STX8: variants seen among roughly 807,000 people sequenced by gnomAD.
The protein encoded by STX8 is syntaxin 8.
A neutral mutation model predicts 37.5 loss-of-function variants in STX8; 23 were observed. That is an observed-to-expected ratio of 0.61 (90% CI 0.44 to 0.87). The LOEUF is 0.87. Ranked by LOEUF, STX8 falls within the 40% of genes least tolerant of loss-of-function variation. The pLI, the probability that STX8 is intolerant of heterozygous loss-of-function variation, is 0.00. For synonymous variants in STX8, 115 were observed against 99.1 expected, an observed-to-expected ratio of 1.16 and a Z score of -0.95; for missense variants, 313 against 284.7, an observed-to-expected ratio of 1.10 and a Z score of -0.71.
intron 5 of STX8, among the ~76,000 whole-genome samples, chr17:9,493,642 G>A (rs1192955230): frequency 6.6e-6 from 1 of 152,162 alleles, no homozygotes; most frequent in Non-Finnish European, 1.5e-5. Context: ...TAGCCCTAGG[G>A]GCGTGGGCTC....
At chr17:9,298,581 G>T (rs1908650329) in intron 7 of STX8, among the ~76,000 whole-genome samples, 1 of 152,188 alleles carries the variant, frequency 6.6e-6, no homozygotes. Flanking sequence ...GGAGGCCAAG[G>T]TGGGTAGATC....
chr17:9,261,261 G>A (rs1305481975), intron 7 of STX8, among the ~76,000 whole-genome samples: 3 of 152,208 alleles, frequency 2.0e-5, no homozygotes, highest in African/African-American at 7.2e-5. Context: ...CTCACGGCCC[G>A]GCCAGGGCGA....
At chr17:9,445,330 A>G (rs1904800698) in intron 6 of STX8, among the ~76,000 whole-genome samples, 1 of 151,840 alleles carries the variant, frequency 6.6e-6, no homozygotes, top group South Asian at 2.1e-4. Flanking sequence ...GAGAAAGAAG[A>G]GACATGATAT....
chr17:9,412,422 G>A (rs899915469), intron 6 of STX8, among the ~76,000 whole-genome samples: 3 of 151,990 alleles, frequency 2.0e-5, no homozygotes, highest in African/African-American at 4.8e-5. Flanking sequence ...TGGGATTACA[G>A]GCATGCACCA....
chr17:9,402,180 C>T (rs553256124), intron 6 of STX8, among the ~76,000 whole-genome samples: 1 of 152,046 alleles, frequency 6.6e-6, no homozygotes, highest in Non-Finnish European at 1.5e-5. Context: ...AGTGCAATGG[C>T]ACGATCTCGG....
rs17207213 is a variant in STX8 at position 9,551,389 on chromosome 17, A to G, written c.212+6045T>C. 1.8e-3 allele frequency among the ~76,000 whole-genome samples: 273 copies of G among 152,362 alleles called. 5 individuals are homozygous for G. The East Asian group carries it at 0.046, about 26-fold the overall frequency. Reference sequence around the variant, plus strand: ...ATGCATGATTAAAAACTCCACAAAGAAAGGATGACCTGTAAATTCTCAATG... The same window carrying G: ...ATGCATGATTAAAAACTCCACAAAGGAAGGATGACCTGTAAATTCTCAATG... On this transcript the variant is annotated intron_variant, in intron 3 of 7. Coordinates refer to ENST00000306357, the MANE Select transcript of STX8 (RefSeq NM_004853.3).
intron 7 of STX8, among the ~76,000 whole-genome samples, chr17:9,282,234 G>A (rs1048633868): frequency 6.6e-6 from 1 of 152,130 alleles, no homozygotes; most frequent in Non-Finnish European, 1.5e-5. Context: ...CCGGGTTCAC[G>A]CCATTCTCCT....
intron 6 of STX8, among the ~76,000 whole-genome samples, chr17:9,459,926 CTT>C (rs1264853004): frequency 2.0e-5 from 3 of 152,194 alleles, no homozygotes; most frequent in African/African-American, 7.2e-5. Flanking sequence ...GATGCTGCAG[CTT>C]TGCAGCATCT....
At chr17:9,298,799 C>T (rs373645133) in intron 7 of STX8, among the ~76,000 whole-genome samples, 78 of 152,184 alleles carry the variant, frequency 5.1e-4, no homozygotes, top group African/African-American at 1.6e-3. Flanking sequence ...GCAACAAGAG[C>T]GAAACTCTGT....
At chr17:9,463,650 G>A (rs139075740) in intron 6 of STX8, among the ~76,000 whole-genome samples, 119 of 152,262 alleles carry the variant, frequency 7.8e-4, no homozygotes, top group African/African-American at 2.7e-3. Context: ...GCTGATGCCT[G>A]TAATCCCAGC....
intron 6 of STX8, among the ~76,000 whole-genome samples, chr17:9,488,187 A>G (rs1840096573): frequency 6.6e-6 from 1 of 152,048 alleles, no homozygotes; most frequent in African/African-American, 2.4e-5. Flanking sequence ...TTAGCTGGGC[A>G]TGGTGGCAGG....
intron 1 of STX8, among the ~76,000 whole-genome samples, chr17:9,572,449 G>A (rs1024237690): frequency 7.2e-5 from 11 of 152,072 alleles, no homozygotes; most frequent in African/African-American, 1.9e-4. Context: ...TCGCTCTGTC[G>A]CCCAGGCTGA....
intron 4 of STX8, among the ~76,000 whole-genome samples, chr17:9,522,541 C>CAAAAAAAAAA (rs33970359): frequency 7.9e-4 from 53 of 66,818 alleles, no homozygotes; most frequent in African/African-American, 2.0e-3. Context: ...ACTAAAAATC[C>CAAAAAAAAAA]AAAAAAAAAA....
At chr17:9,424,440 A>G (rs1310981325) in intron 6 of STX8, among the ~76,000 whole-genome samples, 3 of 152,038 alleles carry the variant, frequency 2.0e-5, no homozygotes, top group Non-Finnish European at 4.4e-5. Context: ...AACCCACTAC[A>G]GACACTCACT....
At chr17:9,352,520 T>G (rs1402691604) in intron 7 of STX8, among the ~76,000 whole-genome samples, 5 of 136,360 alleles carry the variant, frequency 3.7e-5, no homozygotes, top group African/African-American at 5.7e-5. Context: ...CAGGCGGGAG[T>G]GCAGTGGCGC....
chr17:9,478,702 T>C (rs977198598), intron 6 of STX8, among the ~76,000 whole-genome samples: 10 of 152,338 alleles, frequency 6.6e-5, no homozygotes, highest in African/African-American at 2.4e-4. Flanking sequence ...TCTGGGTACA[T>C]GATTCTTGTC....
chr17:9,546,474 C>A (rs553520234), intron 3 of STX8, among the ~76,000 whole-genome samples: 1 of 24,162 alleles, frequency 4.1e-5, no homozygotes, highest in Non-Finnish European at 7.4e-5. Context: ...GACGAGAATG[C>A]GGCGCGTGCG....
chr17:9,272,891 C>A (rs1907522020), intron 7 of STX8, among the ~76,000 whole-genome samples: 1 of 152,242 alleles, frequency 6.6e-6, no homozygotes. Flanking sequence ...CCCACTGCCA[C>A]ACTCTCCGCG....
chr17:9,372,565 C>A (rs894431766), intron 7 of STX8, among the ~76,000 whole-genome samples: 6 of 151,856 alleles, frequency 4.0e-5, no homozygotes, highest in African/African-American at 1.5e-4. Flanking sequence ...GCAATCTCTG[C>A]CTCCCGGGTT....
Sources: allele counts gnomAD v4.1 joint callset (sites outside exome capture counted in the v4.1 genomes callset), GRCh38; gene constraint gnomAD v4.1.1; transcripts MANE v1.5; gene names NCBI Gene and HGNC (gene_info 2026-07-23, HGNC 2026-07-21).